The following HMCES variants were observed in gnomAD, a reference collection of about 807,000 sequenced individuals.
The protein encoded by HMCES is 5-hydroxymethylcytosine binding, ES cell specific.
HMCES carries 27 observed loss-of-function variants against 35.1 expected under a neutral mutation model. The ratio of observed to expected loss-of-function variants is 0.77; its 90% CI spans 0.57 to 1.06. HMCES has a LOEUF of 1.06. Ranked by LOEUF, HMCES falls within the 50% of genes least tolerant of loss-of-function variation. HMCES has a pLI of 0.00. For missense variants in HMCES, 391 were observed against 430.4 expected (o/e 0.91, Z 0.81); for synonymous variants, 130 against 154.7 (o/e 0.84, Z 1.18).
chr3:129,279,971 T>G lies in HMCES; in HGVS notation c.183+56T>G. On this transcript the variant is annotated intron_variant, in intron 2 of 6. Coordinates refer to ENST00000383463, the MANE Select transcript of HMCES (RefSeq NM_020187.3). The surrounding 1 kb of genome is among the most constrained non-coding windows in gnomAD (Gnocchi z 4.2). ...GCCCAGCCTCGTGATGGTCATCTCC[T>G]ATTTGGTTTGGTGTGTGCTCAGCCT... 10 of 1,444,892 alleles carry G rather than the reference T, an allele frequency of 6.9e-6. No homozygotes were observed. Among genetic ancestry groups the G allele is most frequent in the African/African-American group, 1.4e-5 (1 of 69,284 alleles). The allele number at this position is 1,444,892 out of a possible 1,614,324, so 89.5% of individuals were successfully genotyped here.
At chr3:129,291,956 G>T (rs1196053008) in intron 4 of HMCES, among the ~76,000 whole-genome samples, 1 of 152,052 alleles carries the variant, frequency 6.6e-6, no homozygotes, top group Non-Finnish European at 1.5e-5. Flanking sequence ...GCTGGGCGTG[G>T]TCCCAGCTAC....
chr3:129,302,584 G>A (rs914660282), intron 6 of HMCES, among the ~76,000 whole-genome samples: 8 of 152,078 alleles, frequency 5.3e-5, no homozygotes, highest in Admixed American at 3.9e-4. Context: ...GTGGTGGCCC[G>A]TCCCAAGTAG....
At chr3:129,288,281 A>C (rs1940692829) in intron 2 of HMCES, among the ~76,000 whole-genome samples, 2 of 151,966 alleles carry the variant, frequency 1.3e-5, no homozygotes, top group African/African-American at 4.8e-5. Flanking sequence ...TCTAAAAAAC[A>C]AAAAAGTTTA....
intron 5 of HMCES, among the ~76,000 whole-genome samples, chr3:129,301,561 A>G (rs916400072): frequency 1.3e-5 from 2 of 152,048 alleles, no homozygotes; most frequent in Admixed American, 1.3e-4. Flanking sequence ...TTTGTTCACA[A>G]TTTTCTTACT....
intron 4 of HMCES, among the ~76,000 whole-genome samples, chr3:129,291,057 C>T (rs2071008669): frequency 1.3e-5 from 2 of 152,058 alleles, no homozygotes; most frequent in South Asian, 4.1e-4. Context: ...ACAAAACTAG[C>T]TGGGCATGGT....
intron 5 of HMCES, 120 bp from the exon 6 acceptor site, chr3:129,301,830 G>A (rs963768517): frequency 1.0e-5 from 8 of 792,454 alleles, no homozygotes; most frequent in African/African-American, 1.7e-5. Flanking sequence ...CATGTGAGGC[G>A]CAGAGGGAGG....
At chr3:129,280,054 C>T (rs1940426724) in intron 2 of HMCES, 139 bp downstream of exon 2, 2 of 636,926 alleles carry the variant, frequency 3.1e-6, no homozygotes, top group African/African-American at 1.9e-5. Context: ...CAGTTGAGAA[C>T]CTCTCTTGGC....
chr3:129,286,245 A>G (rs1292629372), intron 2 of HMCES, among the ~76,000 whole-genome samples: 7 of 152,242 alleles, frequency 4.6e-5, no homozygotes, highest in Non-Finnish European at 7.3e-5. Context: ...ATTAGGAGAT[A>G]GGACCTTTGG....
At chr3:129,280,429 C>T (rs1272806892) in intron 2 of HMCES, among the ~76,000 whole-genome samples, 1 of 151,888 alleles carries the variant, frequency 6.6e-6, no homozygotes, top group Non-Finnish European at 1.5e-5. Context: ...CTGGGGAGGT[C>T]GAGGCTTCAT....
At chr3:129,289,098 T>A in intron 3 of HMCES, 101 bp downstream of exon 3, 1 of 973,082 alleles carries the variant, frequency 1.0e-6, no homozygotes, top group Non-Finnish European at 1.5e-6. Context: ...AATAAATAAA[T>A]AACACAAAAA....
At chr3:129,290,476 C>T (rs893509108) in intron 3 of HMCES, among the ~76,000 whole-genome samples, 1 of 151,902 alleles carries the variant, frequency 6.6e-6, no homozygotes, top group Non-Finnish European at 1.5e-5. Flanking sequence ...TAGAGATGGG[C>T]TTTCACCTTG....
intron 2 of HMCES, among the ~76,000 whole-genome samples, chr3:129,281,263 G>A (rs991943202): frequency 6.6e-6 from 1 of 151,998 alleles, no homozygotes; most frequent in Admixed American, 6.5e-5. Flanking sequence ...AATTTTGACT[G>A]TATTTGATTC....
At chr3:129,300,361 G>A (rs2071148191) in intron 5 of HMCES, among the ~76,000 whole-genome samples, 1 of 152,094 alleles carries the variant, frequency 6.6e-6, no homozygotes, top group African/African-American at 2.4e-5. Context: ...CTGTGCATAA[G>A]CAAACACAAA....
intron 6 of HMCES, 23 bp from the exon 7 acceptor site, chr3:129,304,566 G>T (rs781009402): frequency 1.9e-6 from 3 of 1,601,004 alleles, no homozygotes; most frequent in African/African-American, 2.7e-5. Flanking sequence ...TGTATGGTTT[G>T]AGCTTTTTCC....
intron 2 of HMCES, among the ~76,000 whole-genome samples, chr3:129,281,942 A>G (rs1292967564): frequency 6.6e-6 from 1 of 151,964 alleles, no homozygotes; most frequent in Non-Finnish European, 1.5e-5. Flanking sequence ...AAAAAAAAAA[A>G]AAAAAATCAA....
At chr3:129,290,827 T>C in intron 4 of HMCES, 23 bp downstream of exon 4, 1 of 1,603,428 alleles carries the variant, frequency 6.2e-7, no homozygotes, top group Non-Finnish European at 8.5e-7. Context: ...GCATTCACAA[T>C]ATATATTTGG....
At chr3:129,287,183 A>T (rs1204572943) in intron 2 of HMCES, among the ~76,000 whole-genome samples, 1 of 151,396 alleles carries the variant, frequency 6.6e-6, no homozygotes, top group African/African-American at 2.4e-5. Context: ...ATGTATATGT[A>T]CAGTGTTTTT....
intron 3 of HMCES, among the ~76,000 whole-genome samples, chr3:129,289,569 C>A (rs983028200): frequency 6.6e-6 from 1 of 151,992 alleles, no homozygotes; most frequent in African/African-American, 2.4e-5. Flanking sequence ...GAGACAAGGT[C>A]TGGCTATGTT....
rs774401414 is a variant in HMCES, at chr3:129,298,549, C to T, written c.635+14C>T. 1.2e-6 allele frequency: 2 copies of T among 1,609,086 alleles called. No homozygotes were observed. Among genetic ancestry groups the T allele is most frequent in the East Asian group, 4.5e-5 (2 of 44,774 alleles). On this transcript the variant is annotated intron_variant, in intron 5 of 6. Transcript: ENST00000383463. ...CATCCACCACAGGCAAGTCATACTTCTTAGCCCTGGATCCAAAAGGATCCA... is the reference window on the plus strand; with the variant it reads ...CATCCACCACAGGCAAGTCATACTTTTTAGCCCTGGATCCAAAAGGATCCA...
Sources: allele counts gnomAD v4.1 joint callset (sites outside exome capture counted in the v4.1 genomes callset), GRCh38; gene constraint gnomAD v4.1.1; non-coding constraint Gnocchi (gnomAD v3.1); transcripts MANE v1.5; gene names NCBI Gene and HGNC (gene_info 2026-07-23, HGNC 2026-07-21).